Variants in LRRC37A2 observed in about 807,000 individuals in gnomAD.
LRRC37A2 encodes leucine rich repeat containing 37 member A2.
LRRC37A2 carries 9 observed loss-of-function variants against 68.8 expected under a neutral mutation model. The observed-to-expected ratio is 0.13, with a 90% CI of 0.08 to 0.23. LRRC37A2 has a LOEUF of 0.23. Ranked by LOEUF, LRRC37A2 falls within the 10% of genes least tolerant of loss-of-function variation. The probability of loss-of-function intolerance (pLI) is 1.00; values close to 1 mark genes in which losing one functional copy is unlikely to be tolerated. For synonymous variants in LRRC37A2, 63 were observed against 367.6 expected, an observed-to-expected ratio of 0.17 and a Z score of 9.48; for missense variants, 168 against 950.4, an observed-to-expected ratio of 0.18 and a Z score of 10.82.
At chr17:46,532,254 C>G (rs1448431876) in intron 6 of LRRC37A2, among the ~76,000 whole-genome samples, 1 of 148,900 alleles carries the variant, frequency 6.7e-6, no homozygotes, top group Non-Finnish European at 1.5e-5. Flanking sequence ...AACCATAGAT[C>G]AGTTTGGAGA....
the LRRC37A2 span, chr17:47,018,692 T>G: frequency 6.6e-7 from 1 of 1,520,400 alleles, no homozygotes; most frequent in Admixed American, 1.7e-5. Context: ...AGGCTGCAGC[T>G]GAGCATCCAC....
chr17:46,846,763 T>G, the LRRC37A2 span, among the ~76,000 whole-genome samples: 1 of 152,080 alleles, frequency 6.6e-6, no homozygotes, highest in Non-Finnish European at 1.5e-5. Context: ...CACAACACAA[T>G]TCAAAGAGTT....
the LRRC37A2 span, among the ~76,000 whole-genome samples, chr17:46,925,335 A>T: frequency 6.6e-6 from 1 of 152,154 alleles, no homozygotes; most frequent in Admixed American, 6.5e-5. Context: ...CTACCCCGAC[A>T]CTCATTAATT....
chr17:47,016,434 G>C, the LRRC37A2 span, among the ~76,000 whole-genome samples: 2 of 126,462 alleles, frequency 1.6e-5, no homozygotes, highest in East Asian at 2.4e-4. Flanking sequence ...TTAACATGCT[G>C]ACTTTAACAA....
the LRRC37A2 span, among the ~76,000 whole-genome samples, chr17:47,026,905 CTTTG>C: frequency 1.0e-3 from 153 of 150,372 alleles, no homozygotes; most frequent in Non-Finnish European, 1.3e-3. Context: ...AAATGTGAGA[CTTTG>C]TTTGTTTGTT....
At chr17:46,497,336 T>C in the LRRC37A2 span, among the ~76,000 whole-genome samples, 2 of 109,436 alleles carry the variant, frequency 1.8e-5, 1 homozygote, top group African/African-American at 5.6e-5. Flanking sequence ...CTTTTTATTA[T>C]TTGTTTTCTG....
the LRRC37A2 span, among the ~76,000 whole-genome samples, chr17:46,922,589 T>C: frequency 2.6e-5 from 4 of 152,318 alleles, no homozygotes; most frequent in South Asian, 4.1e-4. Flanking sequence ...CAGAACCTCT[T>C]TGAGGGCAGG....
the LRRC37A2 span, among the ~76,000 whole-genome samples, chr17:46,858,268 T>A: frequency 6.6e-6 from 1 of 152,324 alleles, no homozygotes; most frequent in East Asian, 1.9e-4. Flanking sequence ...TTGTCACAAG[T>A]ACTGGTAATA....
chr17:46,679,745 A>C, the LRRC37A2 span, among the ~76,000 whole-genome samples: 1 of 151,944 alleles, frequency 6.6e-6, no homozygotes, highest in African/African-American at 2.4e-5. Flanking sequence ...TCAAATGTGC[A>C]TGTGAAAGTT....
At chr17:46,897,508 G>C in the LRRC37A2 span, among the ~76,000 whole-genome samples, 2 of 152,188 alleles carry the variant, frequency 1.3e-5, no homozygotes, top group Admixed American at 6.5e-5. Flanking sequence ...CCATGAGCCA[G>C]TATTGGGGGC....
At chr17:46,796,046 A>C in the LRRC37A2 span, among the ~76,000 whole-genome samples, 1 of 151,942 alleles carries the variant, frequency 6.6e-6, no homozygotes, top group African/African-American at 2.4e-5. Context: ...GAAACAGAGG[A>C]GCTGTCCCAT....
At chr17:46,740,035 C>G in the LRRC37A2 span, among the ~76,000 whole-genome samples, 1 of 152,194 alleles carries the variant, frequency 6.6e-6, no homozygotes, top group Non-Finnish European at 1.5e-5. Flanking sequence ...CTCAAAGTTT[C>G]ATAGGCCCTG....
chr17:46,728,757 G>GT, the LRRC37A2 span: 1 of 737,856 alleles, frequency 1.4e-6, no homozygotes, highest in Non-Finnish European at 2.2e-6. Context: ...TGTAGGGACT[G>GT]TGTTTACTTT....
chr17:46,887,006 G>A, the LRRC37A2 span, among the ~76,000 whole-genome samples: 9 of 152,056 alleles, frequency 5.9e-5, no homozygotes, highest in African/African-American at 1.2e-4. Context: ...TAGTAGAGAC[G>A]GGGTTTCACC....
the LRRC37A2 span, among the ~76,000 whole-genome samples, chr17:46,794,012 C>T: frequency 1.3e-5 from 2 of 152,258 alleles, no homozygotes; most frequent in Admixed American, 6.5e-5. Context: ...CTAGGCACGA[C>T]GGGGACATAA....
the LRRC37A2 span, among the ~76,000 whole-genome samples, chr17:46,707,503 G>T: frequency 6.6e-6 from 1 of 151,800 alleles, no homozygotes; most frequent in Non-Finnish European, 1.5e-5. Context: ...TCTTCTTCTT[G>T]AACTGAAACT....
the LRRC37A2 span, among the ~76,000 whole-genome samples, chr17:46,880,183 T>A: frequency 6.6e-6 from 1 of 152,276 alleles, no homozygotes; most frequent in South Asian, 2.1e-4. Context: ...TGCCTGCCTC[T>A]CATGAGCACA....
chr17:46,923,152 A>T, the LRRC37A2 span: 6 of 1,345,922 alleles, frequency 4.5e-6, no homozygotes, highest in Non-Finnish European at 6.3e-6. Context: ...ACGTGTTCCG[A>T]GGAAGCCAGA....
chr17:46,778,425 C>T, the LRRC37A2 span, among the ~76,000 whole-genome samples: 12 of 152,154 alleles, frequency 7.9e-5, no homozygotes, highest in African/African-American at 2.7e-4. Context: ...AGGCCTCTGG[C>T]GATGGGGCTT....
Sources: gnomAD v4.1 joint callset for allele counts (sites outside exome capture counted in the v4.1 genomes callset) on GRCh38, gnomAD v4.1.1 for gene constraint, MANE v1.5 for transcripts, NCBI Gene and HGNC (gene_info 2026-07-23, HGNC 2026-07-21) for gene names.